The following KDM4C variants were observed in gnomAD, a reference collection of about 807,000 sequenced individuals.
KDM4C encodes lysine demethylase 4C, also known as lysine-specific demethylase 4C.
In KDM4C, 81 loss-of-function variants were observed where a neutral mutation model predicts 129.3. The ratio of observed to expected loss-of-function variants is 0.63; its 90% confidence interval spans 0.52 to 0.75. KDM4C has a LOEUF of 0.75. Among genes scored for constraint, KDM4C ranks in the 30% least tolerant of loss-of-function variants. KDM4C has a pLI of 0.00. For synonymous variants in KDM4C, 573 were observed against 456.1 expected (o/e 1.26, Z -3.26); for missense variants, 1,457 against 1,304.0 (o/e 1.12, Z -1.81).
chr9:7,111,210 C>T (rs539835892), intron 18 of KDM4C, among the ~76,000 whole-genome samples: 12 of 151,908 alleles, frequency 7.9e-5, no homozygotes, highest in South Asian at 6.2e-4. Context: ...CTTATTTAAT[C>T]TTCAGTGTCC....
intron 17 of KDM4C, among the ~76,000 whole-genome samples, chr9:7,089,435 G>T (rs1835528736): frequency 6.6e-6 from 1 of 152,168 alleles, no homozygotes; most frequent in Non-Finnish European, 1.5e-5. Flanking sequence ...GAAATAATAA[G>T]TTGGAAAGCA....
intron 8 of KDM4C, among the ~76,000 whole-genome samples, chr9:6,977,989 T>C (rs183819757): frequency 1.3e-5 from 2 of 152,336 alleles, no homozygotes; most frequent in East Asian, 3.9e-4. Flanking sequence ...CTCAATGTTC[T>C]TGTGGTCAGG....
chr9:6,986,263 A>C, intron 10 of KDM4C, 81 bp from the exon 11 acceptor site: 1 of 930,300 alleles, frequency 1.1e-6, no homozygotes, highest in Non-Finnish European at 1.6e-6. Flanking sequence ...AAGATACAGA[A>C]TCATTTGGGA....
intron 21 of KDM4C, among the ~76,000 whole-genome samples, chr9:7,172,162 T>G (rs1209778325): frequency 6.6e-6 from 1 of 152,164 alleles, no homozygotes; most frequent in Non-Finnish European, 1.5e-5. Context: ...TCTTTTTTGT[T>G]TTTTAAGGAT....
chr9:6,824,576 T>C (rs1190088472), intron 4 of KDM4C, among the ~76,000 whole-genome samples: 2 of 151,746 alleles, frequency 1.3e-5, no homozygotes, highest in African/African-American at 2.4e-5. Flanking sequence ...AGGTTATATC[T>C]ATTGTTTTTT....
intron 19 of KDM4C, among the ~76,000 whole-genome samples, chr9:7,157,020 T>C (rs1843252112): frequency 6.6e-6 from 1 of 152,200 alleles, no homozygotes; most frequent in East Asian, 1.9e-4. Flanking sequence ...GCGTCCTCTT[T>C]TATTTTGTTG....
intron 18 of KDM4C, among the ~76,000 whole-genome samples, chr9:7,110,568 C>T (rs183524589): frequency 3.9e-5 from 6 of 152,182 alleles, no homozygotes; most frequent in Admixed American, 2.0e-4. Context: ...ATGGGTTGGG[C>T]CTACCACCTC....
intron 19 of KDM4C, among the ~76,000 whole-genome samples, chr9:7,163,807 A>G (rs1222159077): frequency 6.6e-6 from 1 of 152,224 alleles, no homozygotes; most frequent in African/African-American, 2.4e-5. Context: ...TATGAGGGCC[A>G]AGGATAGACT....
intron 5 of KDM4C, among the ~76,000 whole-genome samples, chr9:6,860,271 C>G (rs1002796471): frequency 6.6e-6 from 1 of 152,082 alleles, no homozygotes. Flanking sequence ...AAGGTTCTTT[C>G]TTTAGATGTG....
At chr9:7,006,795 G>A (rs1437126661) in intron 12 of KDM4C, among the ~76,000 whole-genome samples, 1 of 152,142 alleles carries the variant, frequency 6.6e-6, no homozygotes, top group Non-Finnish European at 1.5e-5. Context: ...AATATTCAGA[G>A]TAAGAGGTGA....
At chr9:6,801,407 G>GTA (rs1828939675) in intron 2 of KDM4C, among the ~76,000 whole-genome samples, 1 of 151,514 alleles carries the variant, frequency 6.6e-6, no homozygotes, top group Non-Finnish European at 1.5e-5. Flanking sequence ...CTAATTTTCT[G>GTA]TATTTTTTTT....
At chr9:6,756,867 G>A (rs942577073), upstream of KDM4C, among the ~76,000 whole-genome samples, 3 of 152,190 alleles carry the variant, frequency 2.0e-5, no homozygotes, top group East Asian at 5.8e-4. Flanking sequence ...GTTCAAGCGC[G>A]TGGTAAGCGG....
chr9:7,124,893 G>A (rs1839874240), intron 18 of KDM4C, among the ~76,000 whole-genome samples: 2 of 152,104 alleles, frequency 1.3e-5, no homozygotes, highest in South Asian at 4.1e-4. Context: ...TGTTTGCTGG[G>A]AGGGGGCTTT....
At chr9:7,084,512 A>G (rs1398470991) in intron 17 of KDM4C, among the ~76,000 whole-genome samples, 4 of 152,216 alleles carry the variant, frequency 2.6e-5, no homozygotes, top group Admixed American at 2.6e-4. Flanking sequence ...AATAACTTTC[A>G]AAGCATTGAT....
chr9:6,820,344 T>C (rs912525090), intron 4 of KDM4C, among the ~76,000 whole-genome samples: 4 of 152,188 alleles, frequency 2.6e-5, no homozygotes, highest in Admixed American at 2.0e-4. Flanking sequence ...ACAGTGTCAG[T>C]ATTTTTGCTG....
chr9:7,101,174 AT>A (rs1837041774), intron 17 of KDM4C, among the ~76,000 whole-genome samples: 1 of 152,178 alleles, frequency 6.6e-6, no homozygotes, highest in Non-Finnish European at 1.5e-5. Flanking sequence ...TAGCATGCCT[AT>A]TCATGTTATT....
In KDM4C at chr9:7,128,034, C is replaced by G. The variant is rs745427444; in HGVS notation, c.2611-32C>G. 61 of 1,408,104 alleles carry G rather than the reference C, an allele frequency of 4.3e-5. No individual in the cohort carries two copies. In the Admixed American group the frequency reaches 1.5e-3, roughly 35 times the overall value. 87.2% of individuals were successfully genotyped at this position (1,408,104 alleles called of 1,614,324 possible). On this transcript the variant is annotated intron_variant, in intron 18 of 21. Transcript: ENST00000381309. ...CCTTTCTTTTCCTGTTCTCTTACTT[C>G]TTTTCTTCCTTTTTTGTGTCCCTTC...
chr9:6,754,218 T>G (rs990978807), upstream of KDM4C, among the ~76,000 whole-genome samples: 1 of 149,270 alleles, frequency 6.7e-6, no homozygotes, highest in African/African-American at 2.5e-5. Flanking sequence ...TTTCTTTTTC[T>G]TTTTTTTTTC....
At chr9:6,898,564 G>A (rs755556514) in intron 8 of KDM4C, among the ~76,000 whole-genome samples, 7 of 152,140 alleles carry the variant, frequency 4.6e-5, no homozygotes, top group Non-Finnish European at 1.0e-4. Flanking sequence ...AACTCCAGGA[G>A]TACTACCTTA....
Sources: gnomAD v4.1 joint callset for allele counts (sites outside exome capture counted in the v4.1 genomes callset) on GRCh38, gnomAD v4.1.1 for gene constraint, MANE v1.5 for transcripts, NCBI Gene and HGNC (gene_info 2026-07-23, HGNC 2026-07-21) for gene names.